The following COPS2 variants were observed in gnomAD, a reference collection of about 807,000 sequenced individuals.
COPS2 encodes COP9 signalosome subunit 2.
COPS2 carries 10 observed loss-of-function variants against 66.1 expected under a neutral mutation model. The observed-to-expected ratio is 0.15, with a 90% CI of 0.09 to 0.26. The LOEUF (loss-of-function observed/expected upper bound fraction) is 0.26. Ranked by LOEUF, COPS2 falls within the 10% of genes least tolerant of loss-of-function variation. The pLI is 1.00. For synonymous variants in COPS2, 179 were observed against 171.3 expected (o/e 1.04, Z -0.35); for missense variants, 215 against 513.3 (o/e 0.42, Z 5.62).
Position 49,123,397 on chromosome 15 carries a change from CG to C in COPS2, c.*4552del, listed in dbSNP as rs1333781814. ...TTCCACATGAAACCTAGTCATAACACGCAAGTTACTGGTACACTGGTAATTC... is the reference window on the plus strand; with the variant it reads ...TTCCACATGAAACCTAGTCATAACACCAAGTTACTGGTACACTGGTAATTC... On this transcript the variant is annotated 3_prime_UTR_variant, in exon 13 of 13. Transcript: ENST00000388901. 6.6e-5 allele frequency: 10 copies of C among 152,136 alleles called. No individual in the cohort carries two copies. Among genetic ancestry groups the C allele is most frequent in the Non-Finnish European group, 1.0e-4 (7 of 68,020 alleles). 9.4% of individuals were successfully genotyped at this position (152,136 alleles called of 1,614,324 possible).
chr15:49,134,123 A>C lies in COPS2; in HGVS notation c.716-15T>G. ...ACCACCACATTCTGTGAAGAATAAGACATGAGAAAATAGGACATTTTCAGT... is the reference window on the plus strand; with the variant it reads ...ACCACCACATTCTGTGAAGAATAAGCCATGAGAAAATAGGACATTTTCAGT... On this transcript the variant is annotated splice_polypyrimidine_tract_variant and intron_variant, in intron 7 of 12. Transcript: ENST00000388901. 2 of 1,593,706 alleles carry C rather than the reference A, an allele frequency of 1.3e-6. No homozygotes were observed. The highest frequency in any genetic ancestry group is 1.7e-6 in the Non-Finnish European group (2 of 1,171,088).
chr15:49,129,423 C>T, intron 11 of COPS2, 54 bp downstream of exon 11: 1 of 680,376 alleles, frequency 1.5e-6, no homozygotes, highest in Non-Finnish European at 2.3e-6. Flanking sequence ...GACTGGTATA[C>T]TGCATTTATA....
At chr15:49,140,200 G>T (rs560454878) in intron 3 of COPS2, among the ~76,000 whole-genome samples, 1 of 151,536 alleles carries the variant, frequency 6.6e-6, no homozygotes, top group Non-Finnish European at 1.5e-5. Flanking sequence ...TCTCCATGTT[G>T]GTCAGGCTGG....
rs1218784264 is a variant in COPS2, at chr15:49,124,391, CA to C, written c.*3558del. 1 of 150,162 alleles carries C rather than the reference CA, an allele frequency of 6.7e-6. No individual in the cohort carries two copies. The highest frequency in any genetic ancestry group is 2.5e-5 in the African/African-American group (1 of 40,792). The allele number at this position is 150,162 out of a possible 1,614,324, so 9.3% of individuals were successfully genotyped here. On this transcript the variant is annotated 3_prime_UTR_variant, in exon 13 of 13. Transcript: ENST00000388901. ...GTTTCCAAAAAAAGCAAAACAAAAA[CA>C]AAAACAAAAAAACCGTATCAAACAA... is the stretch of plus-strand genomic sequence containing the variant.
At chr15:49,131,992 T>A (rs1221068552) in intron 9 of COPS2, among the ~76,000 whole-genome samples, 3 of 152,164 alleles carry the variant, frequency 2.0e-5, no homozygotes, top group South Asian at 4.1e-4. Flanking sequence ...TATATTCTGA[T>A]ATAGGTCAGA....
chr15:49,134,579 G>T, intron 6 of COPS2, 65 bp from the exon 7 acceptor site: 1 of 1,274,816 alleles, frequency 7.8e-7, no homozygotes, highest in Non-Finnish European at 1.1e-6. Flanking sequence ...ATTTGCATTA[G>T]CCTGGAAATC....
In COPS2 at chr15:49,139,410, A is replaced by G. The variant is rs976059887; in HGVS notation, c.372+118T>C. ...GTACTTATCATTTTTAAAGCATACTAATAACTAGCACAACTACTTAAATAG... is the reference window on the plus strand; with the variant it reads ...GTACTTATCATTTTTAAAGCATACTGATAACTAGCACAACTACTTAAATAG... On this transcript the variant is annotated intron_variant, in intron 4 of 12. Transcript: ENST00000388901. 8 of 778,466 alleles carry G rather than the reference A, an allele frequency of 1.0e-5. No homozygotes were observed. The Admixed American group carries it at 1.6e-4, about 15-fold the overall frequency. The allele number at this position is 778,466 out of a possible 1,614,324, so 48.2% of individuals were successfully genotyped here.
chr15:49,146,469 T>A (rs1316269509), intron 1 of COPS2, among the ~76,000 whole-genome samples: 1 of 152,148 alleles, frequency 6.6e-6, no homozygotes, highest in African/African-American at 2.4e-5. Flanking sequence ...AGAATGATGC[T>A]GTGACAGTGA....
intron 11 of COPS2, among the ~76,000 whole-genome samples, chr15:49,129,209 T>A (rs2141121943): frequency 6.6e-6 from 1 of 151,458 alleles, no homozygotes; most frequent in African/African-American, 2.4e-5. Flanking sequence ...GTAGGAGGAC[T>A]GCCTGAGGTC....
Position 49,139,663 on chromosome 15 carries a change from A to T in COPS2, c.247-10T>A. On this transcript the variant is annotated splice_polypyrimidine_tract_variant and intron_variant, in intron 3 of 12. Coordinates refer to ENST00000388901, the MANE Select transcript of COPS2 (RefSeq NM_004236.4). ...TTTCTGGAAAGTTTGTCTGTGAGAAAAGAAAAATGAATTATCAGATGCAAA... is the reference window on the plus strand; with the variant it reads ...TTTCTGGAAAGTTTGTCTGTGAGAATAGAAAAATGAATTATCAGATGCAAA... 6.3e-7 allele frequency: 1 copy of T among 1,575,136 alleles called. No homozygotes were observed. The highest frequency in any genetic ancestry group is 2.2e-5 in the East Asian group (1 of 44,504).
At chr15:49,136,755 G>A (rs2084254989) in intron 6 of COPS2, among the ~76,000 whole-genome samples, 2 of 152,086 alleles carry the variant, frequency 1.3e-5, no homozygotes, top group African/African-American at 4.8e-5. Context: ...TTGGGTGGCC[G>A]AGGCGGTGAT....
intron 3 of COPS2, among the ~76,000 whole-genome samples, chr15:49,140,572 G>A (rs1267856036): frequency 6.6e-6 from 1 of 152,130 alleles, no homozygotes; most frequent in Non-Finnish European, 1.5e-5. Context: ...TATTGAGGTT[G>A]TTCCAGGAAA....
Position 49,134,325 on chromosome 15 carries a change from C to A in COPS2, c.715+15G>T. 6.2e-7 allele frequency: 1 copy of A among 1,610,956 alleles called. No individual in the cohort carries two copies. Among genetic ancestry groups the A allele is most frequent in the South Asian group, 1.1e-5 (1 of 90,418 alleles). Reference sequence around the variant, plus strand: ...CTCCCCATGCCACTGCCCACCCTCTCCAAACCAAACTTGCCTCTGATAACT... The same window carrying A: ...CTCCCCATGCCACTGCCCACCCTCTACAAACCAAACTTGCCTCTGATAACT... On this transcript the variant is annotated intron_variant, in intron 7 of 12. Coordinates refer to ENST00000388901, the MANE Select transcript of COPS2 (RefSeq NM_004236.4).
At chr15:49,152,090 T>C (rs1415154431) in intron 1 of COPS2, among the ~76,000 whole-genome samples, 1 of 151,590 alleles carries the variant, frequency 6.6e-6, no homozygotes, top group Non-Finnish European at 1.5e-5. Context: ...GATGATCAAT[T>C]TTCCAAAAAA....
chr15:49,154,046 C>G (rs528949421), intron 1 of COPS2, among the ~76,000 whole-genome samples: 19 of 152,146 alleles, frequency 1.2e-4, no homozygotes, highest in Non-Finnish European at 2.4e-4. Flanking sequence ...TAAATATTCC[C>G]TAGACACAGA....
At position 49,125,972 on chromosome 15, in the gene COPS2, C is replaced by T. The variant is rs948975957; in HGVS notation, c.*1978G>A. 6.6e-6 allele frequency: 1 copy of T among 152,242 alleles called. No homozygotes were observed. The highest frequency in any genetic ancestry group is 6.5e-5 in the Admixed American group (1 of 15,274). 9.4% of individuals were successfully genotyped at this position (152,242 alleles called of 1,614,324 possible). ...AATCTTTGAATTCTAATTCCATCAA[C>T]TCAAAAGTTAAGAAGGGCTTTAGCT... On this transcript the variant is annotated 3_prime_UTR_variant, in exon 13 of 13. Transcript: ENST00000388901.
intron 9 of COPS2, among the ~76,000 whole-genome samples, chr15:49,131,882 A>G (rs2084212166): frequency 6.6e-6 from 1 of 152,204 alleles, no homozygotes; most frequent in Non-Finnish European, 1.5e-5. Context: ...ACCATGCATC[A>G]CATCATGTGG....
intron 3 of COPS2, among the ~76,000 whole-genome samples, chr15:49,143,577 G>A (rs536181137): frequency 1.9e-4 from 29 of 152,206 alleles, no homozygotes; most frequent in Non-Finnish European, 3.4e-4. Context: ...GAAGAGTTAA[G>A]CATAATGCTA....
intron 4 of COPS2, among the ~76,000 whole-genome samples, chr15:49,138,228 C>A (rs186296271): frequency 4.6e-5 from 7 of 152,148 alleles, no homozygotes; most frequent in Non-Finnish European, 7.3e-5. Context: ...CTCTTCCCCC[C>A]GCTTCTGGCT....
Sources: gnomAD v4.1 joint callset for allele counts (sites outside exome capture counted in the v4.1 genomes callset) on GRCh38, gnomAD v4.1.1 for gene constraint, MANE v1.5 for transcripts, NCBI Gene and HGNC (gene_info 2026-07-23, HGNC 2026-07-21) for gene names.